The following LRMDA variants were observed in gnomAD, a reference collection of about 807,000 sequenced individuals.
LRMDA encodes the protein leucine rich melanocyte differentiation associated, also known as leucine-rich melanocyte differentiation-associated protein.
A neutral mutation model predicts 29.8 loss-of-function variants in LRMDA; 18 were observed. The ratio of observed to expected loss-of-function variants is 0.60; its 90% CI spans 0.42 to 0.90. The LOEUF (loss-of-function observed/expected upper bound fraction) is 0.90. Ranked by LOEUF, LRMDA falls within the 40% of genes least tolerant of loss-of-function variation. The pLI is 0.00. For synonymous variants in LRMDA, 125 were observed against 109.4 expected (o/e 1.14, Z -0.89); for missense variants, 273 against 273.9 (o/e 1.00, Z 0.02).
intron 2 of LRMDA, among the ~76,000 whole-genome samples, chr10:75,617,095 C>T (rs1334887119): frequency 6.6e-6 from 1 of 152,192 alleles, no homozygotes; most frequent in Non-Finnish European, 1.5e-5. Flanking sequence ...CACTCTGTAG[C>T]TTTAGCAGCT....
At chr10:75,553,929 C>T (rs1221581176) in intron 2 of LRMDA, among the ~76,000 whole-genome samples, 1 of 152,080 alleles carries the variant, frequency 6.6e-6, no homozygotes, top group Non-Finnish European at 1.5e-5. Flanking sequence ...CTTGGGAATT[C>T]TAAACTTTCT....
At chr10:76,512,598 T>C (rs1442650521) in intron 6 of LRMDA, among the ~76,000 whole-genome samples, 1 of 152,154 alleles carries the variant, frequency 6.6e-6, no homozygotes, top group South Asian at 2.1e-4. Context: ...ATAGACTAAA[T>C]GTAACAGCTA....
chr10:75,690,978 A>T (rs2395295), intron 2 of LRMDA, among the ~76,000 whole-genome samples: 2,281 of 91,426 alleles, frequency 0.025, 39 homozygotes, highest in East Asian at 0.057. Context: ...TTAAAAAAAA[A>T]ATATATATAT....
intron 2 of LRMDA, among the ~76,000 whole-genome samples, chr10:75,880,475 GA>G (rs1387856844): frequency 3.3e-5 from 5 of 152,188 alleles, no homozygotes; most frequent in Admixed American, 6.5e-5. Flanking sequence ...CCATAGATTG[GA>G]AAAACAGGGG....
At chr10:76,058,876 G>T (rs1293751921) in intron 5 of LRMDA, 93 bp downstream of exon 5, 10 of 974,864 alleles carry the variant, frequency 1.0e-5, no homozygotes, top group Admixed American at 1.9e-5. Context: ...TGAGTGTTTA[G>T]AATGCAGTTG....
chr10:75,739,206 T>C (rs1468298434), intron 2 of LRMDA, among the ~76,000 whole-genome samples: 1 of 152,116 alleles, frequency 6.6e-6, no homozygotes, highest in Non-Finnish European at 1.5e-5. Context: ...GTGAGAGAAA[T>C]TGGTGTTGTA....
intron 2 of LRMDA, among the ~76,000 whole-genome samples, chr10:75,471,609 T>G (rs928840981): frequency 2.0e-5 from 3 of 152,192 alleles, no homozygotes; most frequent in African/African-American, 7.2e-5. Context: ...TGTTTTGAGT[T>G]CTGTTGTTTT....
At chr10:76,101,317 T>C (rs1008301900) in intron 5 of LRMDA, among the ~76,000 whole-genome samples, 3 of 152,252 alleles carry the variant, frequency 2.0e-5, no homozygotes, top group African/African-American at 7.2e-5. Context: ...CTTGGGTTTG[T>C]TACCTGGTAG....
intron 5 of LRMDA, among the ~76,000 whole-genome samples, chr10:76,192,513 A>G (rs953713815): frequency 5.3e-5 from 8 of 152,206 alleles, no homozygotes; most frequent in Admixed American, 1.3e-4. Flanking sequence ...TTCAATGCCA[A>G]TCATCTTGAG....
intron 5 of LRMDA, among the ~76,000 whole-genome samples, chr10:76,120,248 G>A (rs959488518): frequency 2.0e-5 from 3 of 150,936 alleles, no homozygotes; most frequent in Non-Finnish European, 4.4e-5. Context: ...GAGTACAGTG[G>A]CGCAATCTTG....
intron 6 of LRMDA, among the ~76,000 whole-genome samples, chr10:76,436,416 T>G (rs16933541): frequency 0.026 from 4,033 of 152,284 alleles, 121 homozygotes; most frequent in East Asian, 0.073. Flanking sequence ...CACTTGGGGT[T>G]CCACATGAGC....
intron 2 of LRMDA, among the ~76,000 whole-genome samples, chr10:75,696,627 C>A (rs527728767): frequency 2.0e-5 from 3 of 152,166 alleles, no homozygotes; most frequent in Non-Finnish European, 4.4e-5. Context: ...AGCAGAAAAG[C>A]TGTAAGACGA....
At chr10:76,474,469 A>C (rs143158135) in intron 6 of LRMDA, among the ~76,000 whole-genome samples, 104 of 151,820 alleles carry the variant, frequency 6.9e-4, no homozygotes, top group African/African-American at 2.5e-3. Context: ...AATTTTTATA[A>C]GTCATATATC....
chr10:76,323,744 G>C (rs1410728926), intron 5 of LRMDA, among the ~76,000 whole-genome samples: 3 of 152,214 alleles, frequency 2.0e-5, no homozygotes, highest in Non-Finnish European at 4.4e-5. Context: ...TCTGCGTACA[G>C]TGAAAAAGCA....
At chr10:75,967,900 G>T (rs1846894515) in intron 2 of LRMDA, among the ~76,000 whole-genome samples, 1 of 152,128 alleles carries the variant, frequency 6.6e-6, no homozygotes, top group African/African-American at 2.4e-5. Context: ...CTTGAGGGAG[G>T]TCAGGAGGAA....
At chr10:76,240,763 G>GAGATAGATAGATAGATAGAT (rs55944717) in intron 5 of LRMDA, among the ~76,000 whole-genome samples, 22 of 144,034 alleles carry the variant, frequency 1.5e-4, no homozygotes, top group Non-Finnish European at 2.1e-4. Flanking sequence ...AAGAAAATGT[G>GAGATAGATAGATAGATAGAT]AGATAGATAG....
chr10:76,250,058 G>A (rs769270107), intron 5 of LRMDA, among the ~76,000 whole-genome samples: 1 of 152,004 alleles, frequency 6.6e-6, no homozygotes, highest in Non-Finnish European at 1.5e-5. Flanking sequence ...CACCTGCCTC[G>A]GCCTCCCAAA....
chr10:76,251,870 C>G (rs942128519), intron 5 of LRMDA, among the ~76,000 whole-genome samples: 2 of 152,140 alleles, frequency 1.3e-5, no homozygotes, highest in Non-Finnish European at 1.5e-5. Context: ...CAGAGTCCAG[C>G]CGGTGGTGGA....
intron 5 of LRMDA, among the ~76,000 whole-genome samples, chr10:76,121,510 GT>G (rs1336833549): frequency 6.6e-6 from 1 of 152,200 alleles, no homozygotes; most frequent in Non-Finnish European, 1.5e-5. Context: ...CCCTGCCTTG[GT>G]TTCTCCATTG....
Sources: allele counts gnomAD v4.1 joint callset (sites outside exome capture counted in the v4.1 genomes callset), GRCh38; gene constraint gnomAD v4.1.1; transcripts MANE v1.5; gene names NCBI Gene and HGNC (gene_info 2026-07-23, HGNC 2026-07-21).